EYA2: variants seen among roughly 807,000 people sequenced by gnomAD.
EYA2 encodes protein phosphatase EYA2.
In EYA2, 31 loss-of-function variants were observed where a neutral mutation model predicts 69.2. The ratio of observed to expected loss-of-function variants is 0.45; its 90% CI spans 0.34 to 0.60. The LOEUF (loss-of-function observed/expected upper bound fraction) is 0.60, where lower values mean the gene tolerates loss of function less well. Among genes scored for constraint, EYA2 ranks in the 20% least tolerant of loss-of-function variants. The pLI is 0.02. For missense variants in EYA2, 622 were observed against 701.2 expected (o/e 0.89, Z 1.28); for synonymous variants, 257 against 279.4 (o/e 0.92, Z 0.80).
chr20:46,986,663 T>C (rs1402183823), intron 1 of EYA2, among the ~76,000 whole-genome samples: 2 of 152,024 alleles, frequency 1.3e-5, no homozygotes, highest in African/African-American at 4.8e-5. Context: ...GGTGAGGCCT[T>C]GGGAAGCTTT....
chr20:47,039,565 G>A (rs1358114036), intron 5 of EYA2, among the ~76,000 whole-genome samples: 1 of 152,146 alleles, frequency 6.6e-6, no homozygotes, highest in African/African-American at 2.4e-5. Context: ...TTAACCCTGA[G>A]CTGGCACTTG....
intron 7 of EYA2, among the ~76,000 whole-genome samples, chr20:47,082,971 A>T (rs1000938742): frequency 1.3e-5 from 2 of 152,056 alleles, no homozygotes; most frequent in Admixed American, 6.6e-5. Context: ...AAGAGGGAGG[A>T]TCACTTGAGG....
At chr20:46,901,572 G>C (rs539863232) in intron 1 of EYA2, 6 of 152,322 alleles carry the variant, frequency 3.9e-5, no homozygotes, top group African/African-American at 1.4e-4. Flanking sequence ...GGGTGTCAGC[G>C]CAAAGAGGTT....
intron 9 of EYA2, among the ~76,000 whole-genome samples, chr20:47,122,252 A>G (rs1425853648): frequency 7.6e-6 from 1 of 131,020 alleles, no homozygotes; most frequent in African/African-American, 2.9e-5. Flanking sequence ...AACATTTGTC[A>G]CTCTCTGAAA....
intron 10 of EYA2, among the ~76,000 whole-genome samples, chr20:47,156,089 T>TACACACACAC (rs748282079): frequency 0.031 from 965 of 30,672 alleles, 64 homozygotes; most frequent in Non-Finnish European, 0.042. Flanking sequence ...TATATATACA[T>TACACACACAC]ACACACACAC....
intron 8 of EYA2, among the ~76,000 whole-genome samples, chr20:47,092,542 A>G (rs934118456): frequency 1.3e-5 from 2 of 152,182 alleles, no homozygotes; most frequent in African/African-American, 4.8e-5. Context: ...CCACACATAC[A>G]TAATATTCCC....
chr20:47,172,481 G>T (rs1445688530), intron 11 of EYA2, among the ~76,000 whole-genome samples: 1 of 152,146 alleles, frequency 6.6e-6, no homozygotes, highest in Non-Finnish European at 1.5e-5. Flanking sequence ...AAAGGCAAAT[G>T]GATGTGGATC....
At chr20:47,106,941 G>A (rs182162442) in intron 9 of EYA2, among the ~76,000 whole-genome samples, 7 of 152,160 alleles carry the variant, frequency 4.6e-5, no homozygotes, top group Admixed American at 2.6e-4. Context: ...TTGAGGGAGC[G>A]AACTGGAGTA....
chr20:46,934,066 A>G (rs1984132751), intron 1 of EYA2, among the ~76,000 whole-genome samples: 1 of 152,244 alleles, frequency 6.6e-6, no homozygotes, highest in Non-Finnish European at 1.5e-5. Flanking sequence ...GATCATTAGC[A>G]AAGTGTTCTG....
intron 12 of EYA2, among the ~76,000 whole-genome samples, chr20:47,176,881 T>C (rs1378149646): frequency 6.6e-6 from 1 of 151,490 alleles, no homozygotes; most frequent in African/African-American, 2.4e-5. Context: ...AACCTCCGCC[T>C]CCCGAGTTCA....
At chr20:46,945,357 G>A (rs895508559) in intron 1 of EYA2, among the ~76,000 whole-genome samples, 6 of 152,158 alleles carry the variant, frequency 3.9e-5, no homozygotes, top group African/African-American at 7.2e-5. Flanking sequence ...TAGACTGACC[G>A]ATTTTTAGAA....
chr20:46,965,261 C>T (rs1027211448), intron 1 of EYA2, among the ~76,000 whole-genome samples: 13 of 152,216 alleles, frequency 8.5e-5, no homozygotes, highest in African/African-American at 2.9e-4. Flanking sequence ...AGTTCAAACC[C>T]ACAGCCAGCT....
intron 8 of EYA2, among the ~76,000 whole-genome samples, chr20:47,093,107 C>A (rs2032134356): frequency 6.6e-6 from 1 of 152,188 alleles, no homozygotes; most frequent in African/African-American, 2.4e-5. Flanking sequence ...TCCCATTTGC[C>A]ACAGTGAAGA....
In EYA2 at chr20:46,962,719, C is replaced by T. The variant is rs529835690; in HGVS notation, c.-10-27282C>T. 4.6e-5 allele frequency among the ~76,000 whole-genome samples: 7 copies of T among 152,332 alleles called. No homozygotes were observed. In the South Asian group the frequency reaches 1.5e-3, roughly 32 times the overall value. ...CCTCATTGCCTTGACTACCTTGTCG[C>T]ATCCTACCACGTAACAGCAAAGTCT... On this transcript the variant is annotated intron_variant, in intron 1 of 15. Coordinates refer to ENST00000327619, the MANE Select transcript of EYA2 (RefSeq NM_005244.5).
At chr20:46,949,156 C>CT (rs1340587895) in intron 1 of EYA2, among the ~76,000 whole-genome samples, 1 of 152,186 alleles carries the variant, frequency 6.6e-6, no homozygotes, top group Non-Finnish European at 1.5e-5. Flanking sequence ...GGACATGCCA[C>CT]CACATACCAA....
At chr20:47,095,239 CA>C (rs2032213975) in intron 8 of EYA2, among the ~76,000 whole-genome samples, 1 of 151,752 alleles carries the variant, frequency 6.6e-6, no homozygotes, top group Admixed American at 6.6e-5. Context: ...CTGCAAAAAT[CA>C]AAAATTTAAT....
chr20:47,108,821 C>A (rs751555984), intron 9 of EYA2, among the ~76,000 whole-genome samples: 1 of 152,036 alleles, frequency 6.6e-6, no homozygotes, highest in Non-Finnish European at 1.5e-5. Context: ...TTCCAAGGTG[C>A]TGGGATTACA....
At chr20:46,942,915 G>C (rs1181950004) in intron 1 of EYA2, among the ~76,000 whole-genome samples, 1 of 152,192 alleles carries the variant, frequency 6.6e-6, no homozygotes, top group Non-Finnish European at 1.5e-5. Flanking sequence ...ACAGACACGT[G>C]CTACCACGTC....
chr20:46,980,566 A>C (rs1980768297), intron 1 of EYA2, among the ~76,000 whole-genome samples: 2 of 152,358 alleles, frequency 1.3e-5, no homozygotes, highest in East Asian at 3.9e-4. Context: ...AAATCAGCAT[A>C]ATTGGGATTT....
Sources: allele counts gnomAD v4.1 joint callset (sites outside exome capture counted in the v4.1 genomes callset), GRCh38; gene constraint gnomAD v4.1.1; transcripts MANE v1.5; gene names NCBI Gene and HGNC (gene_info 2026-07-23, HGNC 2026-07-21).